TOX2: variants seen among roughly 807,000 people sequenced by gnomAD.
TOX2 encodes the protein TOX high mobility group box family member 2.
TOX2 carries 15 observed loss-of-function variants against 47.4 expected under a neutral mutation model. That is an observed-to-expected ratio of 0.32 (90% CI 0.21 to 0.49). The LOEUF is 0.49. Ranked by LOEUF, TOX2 falls within the 20% of genes least tolerant of loss-of-function variation. The pLI is 0.99. For missense variants in TOX2, 622 were observed against 673.1 expected (o/e 0.92, Z 0.84); for synonymous variants, 290 against 296.6 (o/e 0.98, Z 0.23).
chr20:43,916,056 A>G lies in TOX2; in HGVS notation c.99+1066A>G. The G allele has an allele frequency of 1.1e-6, 1 of 931,880 alleles. No homozygotes were observed. The highest frequency in any genetic ancestry group is 1.3e-6 in the Non-Finnish European group (1 of 781,166). 57.7% of individuals were successfully genotyped at this position (931,880 alleles called of 1,614,324 possible). The stretch of plus-strand genomic sequence containing the variant: ...AGGGAACTTTCAAACTTAGTTAGGA[A>G]GCCAGACTGTCCGCGCGTCCGCCAG... On this transcript the variant is annotated intron_variant, in intron 1 of 8. Coordinates refer to ENST00000341197, the MANE Select transcript of TOX2 (RefSeq NM_001098797.2). The surrounding 1 kb of genome is among the most constrained non-coding windows in gnomAD (Gnocchi z 5.0).
chr20:44,066,642 G>A, intron 7 of TOX2, 88 bp from the exon 8 acceptor site: 11 of 1,602,588 alleles, frequency 6.9e-6, no homozygotes, highest in South Asian at 1.1e-5. Flanking sequence ...GACACCCTTG[G>A]ACACATGGGC....
At chr20:43,975,864 C>T (rs1013759097) in intron 2 of TOX2, among the ~76,000 whole-genome samples, 15 of 151,990 alleles carry the variant, frequency 9.9e-5, no homozygotes, top group African/African-American at 3.6e-4. Flanking sequence ...TCTGGAACAC[C>T]GAGAGCACTC....
chr20:44,038,386 G>A (rs2071273814), intron 3 of TOX2, among the ~76,000 whole-genome samples: 1 of 152,108 alleles, frequency 6.6e-6, no homozygotes, highest in South Asian at 2.1e-4. Context: ...ACAGAGTCCA[G>A]GAATTAAGGA....
At chr20:44,052,728 G>A (rs1174829428) in intron 4 of TOX2, among the ~76,000 whole-genome samples, 1 of 152,202 alleles carries the variant, frequency 6.6e-6, no homozygotes, top group Non-Finnish European at 1.5e-5. Context: ...GGGACACTGA[G>A]GCACAGAGAG....
At chr20:44,042,222 T>C (rs2071343291) in intron 3 of TOX2, among the ~76,000 whole-genome samples, 1 of 152,204 alleles carries the variant, frequency 6.6e-6, no homozygotes, top group Non-Finnish European at 1.5e-5. Context: ...TCAGATCTCA[T>C]GAGACGTATT....
chr20:43,917,073 T>G (rs973839177), intron 1 of TOX2, among the ~76,000 whole-genome samples: 4 of 148,154 alleles, frequency 2.7e-5, no homozygotes, highest in Non-Finnish European at 3.0e-5. Context: ...GGGATGGGGG[T>G]GGGGATGCAG....
chr20:43,928,981 G>GAAAAAAAAGAAAAAAAAAA (rs2069214145), intron 1 of TOX2, among the ~76,000 whole-genome samples: 1 of 86,118 alleles, frequency 1.2e-5, no homozygotes, highest in African/African-American at 5.0e-5. Context: ...CTAAAAATAT[G>GAAAAAAAAGAAAAAAAAAA]AAAAAAAAAA....
intron 3 of TOX2, among the ~76,000 whole-genome samples, chr20:44,031,406 G>T (rs1022802239): frequency 6.6e-6 from 1 of 152,204 alleles, no homozygotes; most frequent in Admixed American, 6.5e-5. Flanking sequence ...TCAAGTGGGT[G>T]AGCGCATTAG....
chr20:43,934,598 G>A (rs191583890), intron 1 of TOX2, among the ~76,000 whole-genome samples: 75 of 152,212 alleles, frequency 4.9e-4, no homozygotes, highest in African/African-American at 1.2e-3. Context: ...GCAGAGGCTC[G>A]TGTAGAGGGG....
chr20:43,962,124 G>A (rs140085515), intron 1 of TOX2, among the ~76,000 whole-genome samples: 17 of 152,370 alleles, frequency 1.1e-4, no homozygotes, highest in African/African-American at 4.1e-4. Flanking sequence ...AAATGGAGCT[G>A]AGAGAGAGGA....
Position 43,973,710 on chromosome 20 carries a change from A to G in TOX2, c.165+278A>G, listed in dbSNP as rs146466622. On this transcript the variant is annotated intron_variant, in intron 2 of 8. Transcript: ENST00000341197. Reference sequence around the variant, plus strand: ...TGCCCATACTCCCCACGCTTGGGGCAGCTTTTCAGCAGCAGTGAGTTGAGG... The same window carrying G: ...TGCCCATACTCCCCACGCTTGGGGCGGCTTTTCAGCAGCAGTGAGTTGAGG... 7.6e-3 allele frequency among the ~76,000 whole-genome samples: 1,162 copies of G among 152,330 alleles called. 7 individuals are homozygous for G. Among genetic ancestry groups the G allele is most frequent in the Middle Eastern group, 0.041 (12 of 294 alleles).
At chr20:43,977,365 C>A (rs1425745818) in intron 2 of TOX2, among the ~76,000 whole-genome samples, 4 of 152,230 alleles carry the variant, frequency 2.6e-5, no homozygotes, top group African/African-American at 9.7e-5. Context: ...CCCACCTCGG[C>A]CTCCCAAAGT....
At chr20:43,965,203 G>T (rs1267681375) in intron 1 of TOX2, among the ~76,000 whole-genome samples, 1 of 152,188 alleles carries the variant, frequency 6.6e-6, no homozygotes, top group Non-Finnish European at 1.5e-5. Context: ...TGGTGGACAT[G>T]TGGCTATTGG....
chr20:43,995,206 C>T (rs777132230), intron 2 of TOX2, among the ~76,000 whole-genome samples: 4 of 152,080 alleles, frequency 2.6e-5, no homozygotes, highest in Non-Finnish European at 5.9e-5. Flanking sequence ...CTACAATACT[C>T]CAGATCTGAT....
At chr20:43,959,196 G>C (rs192741718) in intron 1 of TOX2, among the ~76,000 whole-genome samples, 126 of 152,266 alleles carry the variant, frequency 8.3e-4, no homozygotes, top group African/African-American at 2.9e-3. Context: ...GTTCTCCAGG[G>C]GAGGAATCTG....
At chr20:43,934,874 T>G (rs764698286) in intron 1 of TOX2, among the ~76,000 whole-genome samples, 3 of 151,948 alleles carry the variant, frequency 2.0e-5, no homozygotes, top group Non-Finnish European at 4.4e-5. Context: ...GGACCCTTTC[T>G]GTAGACCATT....
chr20:44,048,887 A>C (rs560980391), intron 3 of TOX2, among the ~76,000 whole-genome samples: 131 of 152,362 alleles, frequency 8.6e-4, no homozygotes, highest in Non-Finnish European at 1.7e-3. Flanking sequence ...ATAAAATCCC[A>C]GCACTTTGGC....
At chr20:44,039,241 A>C (rs1433008391) in intron 3 of TOX2, 1 of 1,289,330 alleles carries the variant, frequency 7.8e-7, no homozygotes, top group African/African-American at 1.5e-5. Flanking sequence ...TAAGCCATAA[A>C]GGAGGATGAC....
In TOX2 at chr20:43,981,544, G is replaced by A. The variant is rs78517561; in HGVS notation, c.165+8112G>A. On this transcript the variant is annotated intron_variant, in intron 2 of 8. Transcript: ENST00000341197. ...TGTGTGTGCGTGGTATGGGAACTGT[G>A]CAGGTGCTGGGCAGGGATAGAAAAA... Among the ~76,000 whole-genome samples, 782 of 152,318 alleles carry A rather than the reference G, an allele frequency of 5.1e-3. 8 individuals are homozygous for A. The highest frequency in any genetic ancestry group is 0.018 in the African/African-American group (741 of 41,558).
Sources: allele counts gnomAD v4.1 joint callset (sites outside exome capture counted in the v4.1 genomes callset), GRCh38; gene constraint gnomAD v4.1.1; non-coding constraint Gnocchi (gnomAD v3.1); transcripts MANE v1.5; gene names NCBI Gene and HGNC (gene_info 2026-07-23, HGNC 2026-07-21).